Variants in SP1 observed in about 807,000 individuals in gnomAD.
The protein encoded by SP1 is transcription factor Sp1.
In SP1, 6 loss-of-function variants were observed where a neutral mutation model predicts 66.3. That is an observed-to-expected ratio of 0.09 (90% CI 0.05 to 0.18). SP1 has a LOEUF of 0.18. SP1 is among the 10% of genes least tolerant of loss of function. SP1 has a pLI of 1.00. For synonymous variants in SP1, 417 were observed against 360.8 expected, an observed-to-expected ratio of 1.16 and a Z score of -1.77; for missense variants, 848 against 964.5, an observed-to-expected ratio of 0.88 and a Z score of 1.60.
chr12:53,406,826 T>A (rs1565817446), intron 4 of SP1, 73 bp downstream of exon 4: 2 of 1,343,198 alleles, frequency 1.5e-6, no homozygotes, highest in Non-Finnish European at 1.0e-6. Flanking sequence ...GGAAGAAGAT[T>A]AATTTTTTTT....
intron 3 of SP1, among the ~76,000 whole-genome samples, chr12:53,404,178 A>G (rs1938675650): frequency 6.6e-6 from 1 of 151,836 alleles, no homozygotes; most frequent in Non-Finnish European, 1.5e-5. Flanking sequence ...CTCAAAAAAA[A>G]AAAAAGGAAA....
intron 3 of SP1, among the ~76,000 whole-genome samples, chr12:53,389,213 G>T (rs1213439013): frequency 7.4e-6 from 1 of 134,738 alleles, no homozygotes; most frequent in East Asian, 2.3e-4. Flanking sequence ...TTTTTAAAAT[G>T]ATCTTTTTTT....
At position 53,383,173 on chromosome 12, in the gene SP1, G is replaced by C; in HGVS notation, c.1226G>C (p.Gly409Ala). The change falls in exon 3 of 6, where the codon GGA (glycine) becomes GCA (alanine). Residue 409 changes from glycine to alanine, a missense_variant. By Grantham distance (60) the Gly-to-Ala change is moderately conservative. Around this residue, in one of 7 missense-constraint regions of SP1, gnomAD observed 606 missense variants for 589.9 expected, o/e 1.03. Transcript: ENST00000327443. Reference protein sequence around the residue: ...ILIQPQLVQGGQALQALQAAP... With the variant: ...ILIQPQLVQGAQALQALQAAP... ...ATCCAGCCTCAGCTAGTTCAAGGGG[G>C]ACAGGCCCTCCAGGCCCTCCAAGCA... 1 of 1,614,104 alleles carries C rather than the reference G, an allele frequency of 6.2e-7. No individual in the cohort carries two copies. The highest frequency in any genetic ancestry group is 8.5e-7 in the Non-Finnish European group (1 of 1,179,956).
chr12:53,383,865 A>G (rs1938165143), intron 3 of SP1, among the ~76,000 whole-genome samples: 1 of 152,210 alleles, frequency 6.6e-6, no homozygotes, highest in Non-Finnish European at 1.5e-5. Flanking sequence ...TGTAATACTC[A>G]GTGTTTTTGG....
chr12:53,398,442 C>G (rs1380577661), intron 3 of SP1, among the ~76,000 whole-genome samples: 2 of 152,140 alleles, frequency 1.3e-5, no homozygotes, highest in East Asian at 3.8e-4. Context: ...ACCACCACGC[C>G]TAGCTAATTT....
intron 3 of SP1, among the ~76,000 whole-genome samples, chr12:53,401,749 A>C (rs1938615344): frequency 6.6e-6 from 1 of 151,948 alleles, no homozygotes; most frequent in Admixed American, 6.6e-5. Context: ...GCTCCCTGCA[A>C]CCTCCATCTC....
chr12:53,387,198 G>A (rs1024215899), intron 3 of SP1, among the ~76,000 whole-genome samples: 2 of 152,176 alleles, frequency 1.3e-5, no homozygotes, highest in East Asian at 1.9e-4. Context: ...TGATCCGCCC[G>A]CCTTGGCCTC....
At chr12:53,398,846 CAAAATTAATAGAGAAAGT>C (rs1938546844) in intron 3 of SP1, among the ~76,000 whole-genome samples, 1 of 152,092 alleles carries the variant, frequency 6.6e-6, no homozygotes, top group South Asian at 2.1e-4. Flanking sequence ...TCAAACAATG[CAAAATTAATAGAGAAAGT>C]AAAATTTACT....
rs771235115 is a variant in SP1, at chr12:53,406,770, A to G, written c.1844+17A>G. The G allele has an allele frequency of 1.3e-6, 2 of 1,592,658 alleles. No homozygotes were observed. The highest frequency in any genetic ancestry group is 1.4e-5 in the African/African-American group (1 of 73,890). The stretch of plus-strand genomic sequence containing the variant: ...TGAAGGAAGGTGAGTTGACCCAGCC[A>G]GTTTCTTACAAATATAAAGAAAAAT... On this transcript the variant is annotated intron_variant, in intron 4 of 5. Coordinates refer to ENST00000327443, the MANE Select transcript of SP1 (RefSeq NM_138473.3).
At chr12:53,404,688 G>C (rs1938691205) in intron 3 of SP1, among the ~76,000 whole-genome samples, 1 of 152,076 alleles carries the variant, frequency 6.6e-6, no homozygotes, top group Non-Finnish European at 1.5e-5. Flanking sequence ...ATTTTTTTGA[G>C]TTGGAATCTT....
At chr12:53,380,440 GGGAA>G (rs1221221926) in intron 1 of SP1, 142 bp downstream of exon 1, 1 of 707,026 alleles carries the variant, frequency 1.4e-6, no homozygotes, top group African/African-American at 1.9e-5. Context: ...CCGGGGCGGA[GGGAA>G]GGGAGGGAGA....
chr12:53,381,045 G>A (rs1422809387), intron 1 of SP1, among the ~76,000 whole-genome samples: 1 of 135,624 alleles, frequency 7.4e-6, no homozygotes, highest in African/African-American at 2.9e-5. Flanking sequence ...TCTGCCTCCC[G>A]GATTCAGGCG....
intron 3 of SP1, among the ~76,000 whole-genome samples, chr12:53,390,454 G>A (rs1361121554): frequency 1.4e-4 from 22 of 152,094 alleles, no homozygotes; most frequent in Non-Finnish European, 7.4e-5. Flanking sequence ...AGGCCAAGGC[G>A]GGTGGACTGC....
At position 53,411,209 on chromosome 12, in the gene SP1, A is replaced by G; in HGVS notation, c.2327A>G (p.Gln776Arg). Reference sequence around the variant, plus strand: ...AACGTCATGCAGGTGGCAGATCTGCAGTCCATTAATATCAGTGGCAATGGC... The same window carrying G: ...AACGTCATGCAGGTGGCAGATCTGCGGTCCATTAATATCAGTGGCAATGGC... ...GINVMQVADL[Q>R]SINISGNGF The change falls in exon 6 of 6, where the codon CAG becomes CGG. Residue 776 changes from glutamine to arginine, a missense_variant. Physicochemically the swap from Gln to Arg is conservative, Grantham distance 43. Around this residue, in one of 7 missense-constraint regions of SP1, gnomAD observed 73 missense variants for 91.9 expected, o/e 0.79. Coordinates refer to ENST00000327443, the MANE Select transcript of SP1 (RefSeq NM_138473.3). 1 of 1,613,306 alleles carries G rather than the reference A, an allele frequency of 6.2e-7. No individual in the cohort carries two copies. The highest frequency in any genetic ancestry group is 1.1e-5 in the South Asian group (1 of 91,034).
At chr12:53,401,284 C>G (rs897493755) in intron 3 of SP1, among the ~76,000 whole-genome samples, 2 of 151,708 alleles carry the variant, frequency 1.3e-5, no homozygotes, top group Non-Finnish European at 2.9e-5. Context: ...AACCCTGTCT[C>G]TACTAAAAGT....
At chr12:53,409,582 G>A in intron 5 of SP1, 21 bp downstream of exon 5, 1 of 1,583,240 alleles carries the variant, frequency 6.3e-7, no homozygotes, top group Non-Finnish European at 8.7e-7. Flanking sequence ...GCCTATGGGA[G>A]AGAAAAATAG....
chr12:53,392,290 C>G (rs534753456), intron 3 of SP1, among the ~76,000 whole-genome samples: 8 of 151,736 alleles, frequency 5.3e-5, no homozygotes, highest in African/African-American at 1.2e-4. Flanking sequence ...AAGTGATTCT[C>G]CTGCCTCAGC....
chr12:53,392,517 C>T (rs1041119305), intron 3 of SP1, among the ~76,000 whole-genome samples: 80 of 151,336 alleles, frequency 5.3e-4, no homozygotes, highest in African/African-American at 1.7e-3. Context: ...CCACTACGCC[C>T]GGCTAATTTT....
chr12:53,397,579 CTTTTTTTTTCTTTT>C (rs1423094386), intron 3 of SP1, among the ~76,000 whole-genome samples: 4 of 144,030 alleles, frequency 2.8e-5, no homozygotes, highest in East Asian at 2.0e-4. Flanking sequence ...ACTCTTTTTC[CTTTTTTTTTCTTTT>C]TTTTTTTTTT....
Sources: gnomAD v4.1 joint callset for allele counts (sites outside exome capture counted in the v4.1 genomes callset) on GRCh38, gnomAD v4.1.1 for gene constraint, gnomAD v4.1.1 regional missense constraint, MANE v1.5 for transcripts, NCBI Gene and HGNC (gene_info 2026-07-23, HGNC 2026-07-21) for gene names.